Variants in SGK3 observed in about 807,000 individuals in gnomAD.
SGK3 encodes serine/threonine-protein kinase Sgk3.
Under a neutral mutation model 68.5 loss-of-function variants are expected in SGK3, and 47 were observed. The ratio of observed to expected loss-of-function variants is 0.69; its 90% CI spans 0.54 to 0.87. The LOEUF (loss-of-function observed/expected upper bound fraction) is 0.87. Ranked by LOEUF, SGK3 falls within the 40% of genes least tolerant of loss-of-function variation. SGK3 has a pLI of 0.00. For synonymous variants in SGK3, 181 were observed against 189.1 expected (o/e 0.96, Z 0.35); for missense variants, 479 against 575.5 (o/e 0.83, Z 1.72).
rs1285531673 is a variant in SGK3 at position 66,804,817 on chromosome 8, AGT to A, written c.253+372_253+373del. ...ATTTATCTGTCAATGGGCTGGGCAC[AGT>A]GGCTCACACCTGTAATCGAAACACT... On this transcript the variant is annotated intron_variant, in intron 4 of 16. Transcript: ENST00000521198. Among the ~76,000 whole-genome samples, 5 of 152,234 alleles carry A rather than the reference AGT, an allele frequency of 3.3e-5. No homozygotes were observed. The East Asian group carries it at 9.6e-4, about 29-fold the overall frequency.
At chr8:66,804,061 C>G (rs1330314216) in intron 3 of SGK3, among the ~76,000 whole-genome samples, 1 of 152,104 alleles carries the variant, frequency 6.6e-6, no homozygotes, top group Non-Finnish European at 1.5e-5. Context: ...TACATGATCT[C>G]CTTTAAAACT....
At chr8:66,797,301 C>A (rs1484624278) in intron 2 of SGK3, among the ~76,000 whole-genome samples, 1 of 152,188 alleles carries the variant, frequency 6.6e-6, no homozygotes, top group Non-Finnish European at 1.5e-5. Context: ...TGTCTGATCC[C>A]AGTGCCGTGT....
intron 5 of SGK3, among the ~76,000 whole-genome samples, chr8:66,818,886 T>G (rs1382504531): frequency 6.6e-6 from 1 of 152,252 alleles, no homozygotes; most frequent in African/African-American, 2.4e-5. Flanking sequence ...TACCTTTTGG[T>G]GCACATGTGC....
At chr8:66,822,584 A>G in intron 6 of SGK3, 125 bp downstream of exon 6, 1 of 809,090 alleles carries the variant, frequency 1.2e-6, no homozygotes, top group South Asian at 2.2e-5. Context: ...TATGTAGAAC[A>G]CATAAAAACA....
chr8:66,802,276 A>T (rs1324209011), intron 3 of SGK3, among the ~76,000 whole-genome samples: 2 of 152,234 alleles, frequency 1.3e-5, no homozygotes, highest in Admixed American at 6.5e-5. Flanking sequence ...TCAAAAACAC[A>T]AATTATTTTT....
At chr8:66,732,126 G>GAA (rs1805172580) in intron 1 of SGK3, among the ~76,000 whole-genome samples, 1 of 151,956 alleles carries the variant, frequency 6.6e-6, no homozygotes, top group African/African-American at 2.4e-5. Flanking sequence ...TTTTTCATTG[G>GAA]AACAGTATTT....
chr8:66,840,724 A>G, intron 12 of SGK3: 1 of 222,202 alleles, frequency 4.5e-6, no homozygotes, highest in Non-Finnish European at 8.7e-6. Context: ...TTGGGAGGCC[A>G]AGATGGGTGG....
At chr8:66,761,768 A>C (rs927478925) in intron 1 of SGK3, among the ~76,000 whole-genome samples, 17 of 149,540 alleles carry the variant, frequency 1.1e-4, no homozygotes, top group Non-Finnish European at 8.9e-5. Context: ...GACTCTCTCT[A>C]AAAAAAAAAT....
chr8:66,846,612 T>C (rs59128287), intron 14 of SGK3, among the ~76,000 whole-genome samples: 4,151 of 152,166 alleles, frequency 0.027, 215 homozygotes, highest in African/African-American at 0.095. Flanking sequence ...CCACGCCTGG[T>C]CTTTATTTTT....
chr8:66,829,287 C>T (rs1585780116), intron 7 of SGK3, among the ~76,000 whole-genome samples: 1 of 151,902 alleles, frequency 6.6e-6, no homozygotes, highest in South Asian at 2.1e-4. Flanking sequence ...TGTAATTATC[C>T]TTACAGGCGT....
rs760781775 is a variant in SGK3, at chr8:66,850,949, A to G, written c.1320+29A>G. 23 of 1,571,008 alleles carry G rather than the reference A, an allele frequency of 1.5e-5. No homozygotes were observed. The Admixed American group carries it at 2.7e-4, about 18-fold the overall frequency. On this transcript the variant is annotated intron_variant, in intron 16 of 16. Transcript: ENST00000521198. ...AGTATATATCCAAATCTTTCTTTCT[A>G]GAATCGTGAAACTTAATAGCAGTTC... is the stretch of plus-strand genomic sequence containing the variant.
intron 1 of SGK3, among the ~76,000 whole-genome samples, chr8:66,770,905 A>C (rs1806489256): frequency 6.6e-6 from 1 of 151,164 alleles, no homozygotes. Flanking sequence ...CCTTCATTCC[A>C]CTCCCTGTAT....
intron 2 of SGK3, among the ~76,000 whole-genome samples, chr8:66,794,295 A>G (rs1393261979): frequency 6.6e-6 from 1 of 152,150 alleles, no homozygotes; most frequent in East Asian, 1.9e-4. Context: ...ATCGTTTATC[A>G]CTGTAGTATC....
At chr8:66,836,668 G>A (rs1809546104) in intron 10 of SGK3, among the ~76,000 whole-genome samples, 1 of 148,588 alleles carries the variant, frequency 6.7e-6, no homozygotes, top group Non-Finnish European at 1.5e-5. Context: ...GATAAAGTCT[G>A]TTTTGGAAAT....
At chr8:66,806,555 G>A (rs1286781799) in intron 4 of SGK3, among the ~76,000 whole-genome samples, 1 of 152,106 alleles carries the variant, frequency 6.6e-6, no homozygotes, top group African/African-American at 2.4e-5. Flanking sequence ...AGCTACGCCT[G>A]TAATCCCAGC....
At chr8:66,780,903 G>A (rs1448265000) in intron 1 of SGK3, among the ~76,000 whole-genome samples, 1 of 152,182 alleles carries the variant, frequency 6.6e-6, no homozygotes, top group Non-Finnish European at 1.5e-5. Context: ...TGGAAGCAGA[G>A]AGCAGGTTGG....
At chr8:66,808,511 T>TA (rs1400796000) in intron 4 of SGK3, among the ~76,000 whole-genome samples, 3 of 150,226 alleles carry the variant, frequency 2.0e-5, no homozygotes, top group African/African-American at 7.4e-5. Flanking sequence ...AAAAATCCTG[T>TA]AATTTTTTTT....
chr8:66,844,228 A>G (rs145318951), intron 14 of SGK3, among the ~76,000 whole-genome samples: 29 of 152,160 alleles, frequency 1.9e-4, no homozygotes, highest in Non-Finnish European at 4.3e-4. Context: ...TTATCAATAA[A>G]TTACTGTATT....
rs17422752 is a variant in SGK3, at chr8:66,795,445, T to C, written c.96+1613T>C. ...CATTGAAGGTAAACAAAGGTTGATATACCTTGAATAAAATGGTAGAGTGTG... is the reference window on the plus strand; with the variant it reads ...CATTGAAGGTAAACAAAGGTTGATACACCTTGAATAAAATGGTAGAGTGTG... On this transcript the variant is annotated intron_variant, in intron 2 of 16. Transcript: ENST00000521198. 2.4e-3 allele frequency among the ~76,000 whole-genome samples: 363 copies of C among 152,354 alleles called. 1 individual carries two copies. Among genetic ancestry groups the C allele is most frequent in the Middle Eastern group, 6.8e-3 (2 of 294 alleles).
Sources: gnomAD v4.1 joint callset for allele counts (sites outside exome capture counted in the v4.1 genomes callset) on GRCh38, gnomAD v4.1.1 for gene constraint, MANE v1.5 for transcripts, NCBI Gene and HGNC (gene_info 2026-07-23, HGNC 2026-07-21) for gene names.